Variants in NRF1 observed in about 807,000 individuals in gnomAD.
NRF1 encodes alpha palindromic-binding protein.
In NRF1, 5 loss-of-function variants were observed where a neutral mutation model predicts 58.5. The observed-to-expected ratio is 0.09, with a 90% CI of 0.04 to 0.18. The LOEUF is 0.18. NRF1 is among the 10% of genes least tolerant of loss of function. NRF1 has a pLI of 1.00. For missense variants in NRF1, 288 were observed against 657.7 expected (o/e 0.44, Z 6.15); for synonymous variants, 224 against 246.7 (o/e 0.91, Z 0.86).
chr7:129,613,600 T>G (rs1800591820), intron 1 of NRF1, among the ~76,000 whole-genome samples: 1 of 152,050 alleles, frequency 6.6e-6, no homozygotes, highest in Admixed American at 6.6e-5. Flanking sequence ...ATAATCAGAT[T>G]AAGAAAACTC....
At chr7:129,649,708 C>T (rs1801493195) in intron 1 of NRF1, among the ~76,000 whole-genome samples, 1 of 151,998 alleles carries the variant, frequency 6.6e-6, no homozygotes, top group Non-Finnish European at 1.5e-5. Flanking sequence ...AGAGAGTACC[C>T]CTACCCCAAC....
At chr7:129,710,302 T>A (rs1803044847) in intron 6 of NRF1, 72 bp from the exon 7 acceptor site, 3 of 1,341,984 alleles carry the variant, frequency 2.2e-6, no homozygotes, top group Non-Finnish European at 3.2e-6. Context: ...AAGTAGCTGC[T>A]TATTGCATAT....
intron 10 of NRF1, among the ~76,000 whole-genome samples, chr7:129,742,156 G>A (rs1803859273): frequency 2.0e-5 from 3 of 151,550 alleles, no homozygotes; most frequent in Non-Finnish European, 4.4e-5. Context: ...AGACATACTG[G>A]TTTTGCTTTG....
intron 10 of NRF1, among the ~76,000 whole-genome samples, chr7:129,749,555 G>A (rs1804064173): frequency 6.6e-6 from 1 of 151,914 alleles, no homozygotes; most frequent in Non-Finnish European, 1.5e-5. Context: ...TCTTTATGTT[G>A]GCACCTGAAG....
chr7:129,691,772 T>A (rs1802575101), intron 5 of NRF1, among the ~76,000 whole-genome samples: 1 of 152,198 alleles, frequency 6.6e-6, no homozygotes, highest in African/African-American at 2.4e-5. Context: ...TTAAAGCATC[T>A]TCTCTCTGTC....
At chr7:129,619,508 A>G (rs1584577538) in intron 1 of NRF1, among the ~76,000 whole-genome samples, 2 of 121,272 alleles carry the variant, frequency 1.6e-5, no homozygotes, top group African/African-American at 6.0e-5. Flanking sequence ...ATATATATAT[A>G]TATATGTATT....
At position 129,717,272 on chromosome 7, in the gene NRF1, G is replaced by C. The variant is rs190838970; in HGVS notation, c.1119G>C (p.Thr373=). 3.7e-6 allele frequency: 6 copies of C among 1,613,782 alleles called. No homozygotes were observed. In the African/African-American group the frequency reaches 5.3e-5, roughly 14 times the overall value. Residue 373 remains threonine, a synonymous_variant, in exon 9 of 11, where the codon ACG becomes ACC. Transcript: ENST00000393232. ...LQGGEMTIQT[T]QASEATQAVA... ...GAGGTGAGATGACCATCCAGACGAC[G>C]CAAGCATCAGAGGCCACCCAGGCGG... is the stretch of plus-strand genomic sequence containing the variant.
At chr7:129,678,489 G>A (rs1802235177) in intron 4 of NRF1, among the ~76,000 whole-genome samples, 1 of 152,034 alleles carries the variant, frequency 6.6e-6, no homozygotes, top group South Asian at 2.1e-4. Flanking sequence ...TCAATTGATC[G>A]AAATTCTGTT....
intron 1 of NRF1, among the ~76,000 whole-genome samples, chr7:129,621,781 ATTTTTTTT>A (rs11286994): frequency 1.6e-5 from 2 of 128,646 alleles, no homozygotes; most frequent in African/African-American, 5.9e-5. Context: ...TCTCCATAGA[ATTTTTTTT>A]TTTTTTTTTT....
intron 10 of NRF1, among the ~76,000 whole-genome samples, chr7:129,751,514 T>C (rs148554493): frequency 5.9e-5 from 9 of 152,372 alleles, no homozygotes; most frequent in Non-Finnish European, 1.2e-4. Context: ...GCCCACATCA[T>C]AGGAAACCCA....
At chr7:129,699,707 G>A (rs1167184645) in intron 5 of NRF1, among the ~76,000 whole-genome samples, 1 of 149,996 alleles carries the variant, frequency 6.7e-6, no homozygotes, top group South Asian at 2.1e-4. Flanking sequence ...CTCCAGCCTG[G>A]GTGACAGAGA....
At chr7:129,726,318 A>T (rs1803452136) in intron 9 of NRF1, among the ~76,000 whole-genome samples, 1 of 152,242 alleles carries the variant, frequency 6.6e-6, no homozygotes, top group Non-Finnish European at 1.5e-5. Context: ...TACAATTGTC[A>T]GGAATTTTTC....
chr7:129,667,786 A>T (rs184545913), intron 2 of NRF1, among the ~76,000 whole-genome samples: 8 of 143,644 alleles, frequency 5.6e-5, no homozygotes, highest in African/African-American at 2.1e-4. Context: ...TTTATTTATT[A>T]GAGATAGGAT....
intron 1 of NRF1, among the ~76,000 whole-genome samples, chr7:129,627,832 A>C (rs949879380): frequency 5.3e-5 from 8 of 152,078 alleles, no homozygotes; most frequent in African/African-American, 1.9e-4. Flanking sequence ...TACCCTTTTC[A>C]TGGTTGCTAA....
intron 5 of NRF1, among the ~76,000 whole-genome samples, chr7:129,692,753 C>T (rs1802600279): frequency 6.6e-6 from 1 of 152,106 alleles, no homozygotes; most frequent in Non-Finnish European, 1.5e-5. Context: ...CACTGGGCTG[C>T]GGCCACTGTA....
At chr7:129,614,443 TTGTG>T (rs56403369) in intron 1 of NRF1, among the ~76,000 whole-genome samples, 24 of 145,852 alleles carry the variant, frequency 1.6e-4, no homozygotes, top group African/African-American at 4.4e-4. Context: ...AAATATGTAT[TTGTG>T]TGTGTGTGTG....
chr7:129,728,661 T>G (rs1803508529), intron 10 of NRF1, among the ~76,000 whole-genome samples: 1 of 152,162 alleles, frequency 6.6e-6, no homozygotes, highest in Admixed American at 6.5e-5. Flanking sequence ...AAAGACATAG[T>G]GCTGTGTCCT....
intron 2 of NRF1, among the ~76,000 whole-genome samples, chr7:129,664,936 T>G (rs1167500714): frequency 6.6e-6 from 1 of 152,138 alleles, no homozygotes; most frequent in African/African-American, 2.4e-5. Context: ...GGAGCTTTCA[T>G]CCAGTGGTGG....
intron 10 of NRF1, among the ~76,000 whole-genome samples, chr7:129,753,252 T>C (rs1176488562): frequency 6.6e-6 from 1 of 152,184 alleles, no homozygotes; most frequent in East Asian, 1.9e-4. Flanking sequence ...TCTGGGTCAG[T>C]TTCTCAATAC....
Sources: gnomAD v4.1 joint callset for allele counts (sites outside exome capture counted in the v4.1 genomes callset) on GRCh38, gnomAD v4.1.1 for gene constraint, MANE v1.5 for transcripts, NCBI Gene and HGNC (gene_info 2026-07-23, HGNC 2026-07-21) for gene names.